Variants in STPG2 observed in about 807,000 individuals in gnomAD.
STPG2 encodes sperm-tail PG-rich repeat-containing protein 2.
STPG2 carries 56 observed loss-of-function variants against 54.2 expected under a neutral mutation model. That is an observed-to-expected ratio of 1.03 (90% CI 0.83 to 1.29). The LOEUF is 1.29. Among genes scored for constraint, STPG2 ranks in the 50% most tolerant of loss-of-function variants. The probability of loss-of-function intolerance (pLI) is 0.00; values close to 1 mark genes in which losing one functional copy is unlikely to be tolerated. For synonymous variants in STPG2, 200 were observed against 181.8 expected (o/e 1.10, Z -0.81); for missense variants, 596 against 544.9 (o/e 1.09, Z -0.93).
intron 8 of STPG2, among the ~76,000 whole-genome samples, chr4:97,908,028 T>A (rs1038278477): frequency 6.6e-6 from 1 of 152,116 alleles, no homozygotes; most frequent in African/African-American, 2.4e-5. Flanking sequence ...GGGATCTTAT[T>A]AAACTAAAGA....
chr4:97,851,719 A>C (rs182966462), intron 8 of STPG2, among the ~76,000 whole-genome samples: 3 of 152,306 alleles, frequency 2.0e-5, no homozygotes, highest in Non-Finnish European at 2.9e-5. Context: ...CCAGGTAGTT[A>C]AATTTGATTA....
intron 10 of STPG2, among the ~76,000 whole-genome samples, chr4:97,588,345 T>C (rs1733051899): frequency 6.6e-6 from 1 of 152,090 alleles, no homozygotes. Flanking sequence ...CTTATTTATA[T>C]TACACAAGGC....
chr4:97,446,608 G>A (rs939510002), intron 4 of STPG2, among the ~76,000 whole-genome samples: 4 of 152,182 alleles, frequency 2.6e-5, no homozygotes, highest in Non-Finnish European at 5.9e-5. Flanking sequence ...GGTGGGAGGT[G>A]ATTGGATGAT....
At chr4:97,697,046 T>C (rs574222014) in intron 10 of STPG2, among the ~76,000 whole-genome samples, 2 of 152,308 alleles carry the variant, frequency 1.3e-5, no homozygotes, top group South Asian at 2.1e-4. Flanking sequence ...CCTAAGGGAA[T>C]GTTTAGCTTG....
intron 5 of STPG2, among the ~76,000 whole-genome samples, chr4:97,984,497 T>C (rs1317956102): frequency 6.6e-6 from 1 of 152,192 alleles, no homozygotes; most frequent in African/African-American, 2.4e-5. Context: ...CCAGCCCCCA[T>C]CGAAGACTGA....
intron 5 of STPG2, among the ~76,000 whole-genome samples, chr4:98,085,258 A>T (rs1738470307): frequency 6.6e-6 from 1 of 152,068 alleles, no homozygotes; most frequent in South Asian, 2.1e-4. Context: ...GTATGTGTGC[A>T]TCTATTTCTG....
intron 5 of STPG2, among the ~76,000 whole-genome samples, chr4:98,001,779 T>C (rs1050137323): frequency 6.6e-6 from 1 of 152,120 alleles, no homozygotes; most frequent in Non-Finnish European, 1.5e-5. Context: ...TTTGTTCACT[T>C]TTAAGTCAAA....
intron 9 of STPG2, among the ~76,000 whole-genome samples, chr4:97,824,287 C>T (rs1329010917): frequency 6.6e-6 from 1 of 152,134 alleles, no homozygotes; most frequent in Non-Finnish European, 1.5e-5. Flanking sequence ...TCTCCCTTTC[C>T]CTTCCTTTCT....
chr4:98,078,633 C>T (rs1385404024), intron 5 of STPG2, among the ~76,000 whole-genome samples: 1 of 151,312 alleles, frequency 6.6e-6, no homozygotes, highest in African/African-American at 2.4e-5. Context: ...GATAAATGTG[C>T]ACAGTTGATA....
chr4:97,598,999 T>A (rs1733382016), intron 10 of STPG2, among the ~76,000 whole-genome samples: 1 of 152,164 alleles, frequency 6.6e-6, no homozygotes, highest in Non-Finnish European at 1.5e-5. Flanking sequence ...GGAGAAAATA[T>A]TTGCAAGCTA....
chr4:98,133,094 G>A (rs762299179), intron 2 of STPG2, among the ~76,000 whole-genome samples: 2 of 151,876 alleles, frequency 1.3e-5, no homozygotes, highest in African/African-American at 4.8e-5. Flanking sequence ...GCAACAGCTT[G>A]GTTTTATGTT....
intron 10 of STPG2, among the ~76,000 whole-genome samples, chr4:97,560,909 G>A (rs368577791): frequency 1.3e-5 from 2 of 152,046 alleles, no homozygotes; most frequent in African/African-American, 2.4e-5. Context: ...CCCAATAAAC[G>A]TACATGTGCA....
At chr4:97,896,936 C>G (rs1039467654) in intron 8 of STPG2, among the ~76,000 whole-genome samples, 1 of 151,848 alleles carries the variant, frequency 6.6e-6, no homozygotes, top group African/African-American at 2.4e-5. Flanking sequence ...GTTCTGGGTA[C>G]ATGTGCAGGA....
At chr4:97,703,721 T>C (rs1381578214) in intron 10 of STPG2, among the ~76,000 whole-genome samples, 2 of 131,688 alleles carry the variant, frequency 1.5e-5, no homozygotes, top group Non-Finnish European at 3.2e-5. Flanking sequence ...AGTATATATA[T>C]TTAGTATATA....
intron 10 of STPG2, among the ~76,000 whole-genome samples, chr4:97,579,533 A>G (rs1732810388): frequency 6.6e-6 from 1 of 152,138 alleles, no homozygotes; most frequent in African/African-American, 2.4e-5. Flanking sequence ...ATTTTAAAAT[A>G]ATCACAAAGT....
chr4:97,616,588 A>C (rs1303324788), intron 10 of STPG2, among the ~76,000 whole-genome samples: 1 of 151,916 alleles, frequency 6.6e-6, no homozygotes, highest in African/African-American at 2.4e-5. Context: ...ATTTGGCATT[A>C]TTGGTTTGTT....
intron 2 of STPG2, among the ~76,000 whole-genome samples, chr4:98,131,191 A>C (rs879702648): frequency 2.4e-4 from 37 of 152,034 alleles, no homozygotes; most frequent in Non-Finnish European, 5.0e-4. Flanking sequence ...CTTCTTCAAG[A>C]TCAGGTCCAA....
At chr4:98,062,081 TGTG>T (rs1462602874) in intron 5 of STPG2, among the ~76,000 whole-genome samples, 1 of 152,034 alleles carries the variant, frequency 6.6e-6, no homozygotes, top group African/African-American at 2.4e-5. Context: ...TTAAAGAAAA[TGTG>T]GTACATATAC....
At chr4:97,564,794 G>A (rs1051853668) in intron 10 of STPG2, among the ~76,000 whole-genome samples, 12 of 152,122 alleles carry the variant, frequency 7.9e-5, no homozygotes, top group South Asian at 2.1e-4. Flanking sequence ...AGTTTCTGCC[G>A]AGAGATCCAT....
Sources: gnomAD v4.1 joint callset for allele counts (sites outside exome capture counted in the v4.1 genomes callset) on GRCh38, gnomAD v4.1.1 for gene constraint, MANE v1.5 for transcripts, NCBI Gene and HGNC (gene_info 2026-07-23, HGNC 2026-07-21) for gene names.